The following DPYSL3 variants were observed in gnomAD, a reference collection of about 807,000 sequenced individuals.
DPYSL3 encodes dihydropyrimidinase-related protein 3.
A neutral mutation model predicts 66.1 loss-of-function variants in DPYSL3; 16 were observed. That is an observed-to-expected ratio of 0.24 (90% CI 0.16 to 0.37). DPYSL3 has a LOEUF of 0.37. Ranked by LOEUF, DPYSL3 falls within the 10% of genes least tolerant of loss-of-function variation. The pLI is 1.00. For missense variants in DPYSL3, 738 were observed against 916.2 expected, an observed-to-expected ratio of 0.81 and a Z score of 2.51; for synonymous variants, 338 against 345.1, an observed-to-expected ratio of 0.98 and a Z score of 0.23.
chr5:147,464,460 C>T (rs998848492), intron 1 of DPYSL3, among the ~76,000 whole-genome samples: 10 of 152,146 alleles, frequency 6.6e-5, no homozygotes, highest in South Asian at 2.1e-4. Flanking sequence ...CTGTGTACTT[C>T]GGGCTCATGG....
intron 6 of DPYSL3, among the ~76,000 whole-genome samples, chr5:147,410,127 T>C (rs1479246252): frequency 6.6e-6 from 1 of 152,172 alleles, no homozygotes; most frequent in Non-Finnish European, 1.5e-5. Flanking sequence ...GAGTTTCTAC[T>C]CTAAATTGCC....
intron 2 of DPYSL3, among the ~76,000 whole-genome samples, chr5:147,419,740 C>G (rs1434482250): frequency 1.3e-5 from 2 of 152,168 alleles, no homozygotes; most frequent in East Asian, 3.9e-4. Context: ...AGTTCTGCGA[C>G]TAAAATAAAG....
chr5:147,442,085 G>A (rs888599590), intron 1 of DPYSL3, among the ~76,000 whole-genome samples: 1 of 152,178 alleles, frequency 6.6e-6, no homozygotes, highest in African/African-American at 2.4e-5. Context: ...AAGATTTGAG[G>A]CACAGATTCG....
At chr5:147,468,317 T>C (rs1317624160) in intron 1 of DPYSL3, among the ~76,000 whole-genome samples, 1 of 152,246 alleles carries the variant, frequency 6.6e-6, no homozygotes. Context: ...CTTGTAGAGC[T>C]AGCTTTAAGA....
intron 1 of DPYSL3, among the ~76,000 whole-genome samples, chr5:147,501,478 ATTTTTTTTTTT>A (rs749216433): frequency 2.2e-5 from 2 of 91,072 alleles, no homozygotes; most frequent in East Asian, 6.4e-4. Context: ...GGTGATAATG[ATTTTTTTTTTT>A]TTTTTTTTTT....
At chr5:147,464,601 G>A (rs1418731105) in intron 1 of DPYSL3, among the ~76,000 whole-genome samples, 1 of 152,142 alleles carries the variant, frequency 6.6e-6, no homozygotes, top group Non-Finnish European at 1.5e-5. Context: ...AACTACATGG[G>A]TTCTTATATG....
At chr5:147,447,864 C>CAA (rs1320023524) in intron 1 of DPYSL3, among the ~76,000 whole-genome samples, 1 of 152,084 alleles carries the variant, frequency 6.6e-6, no homozygotes, top group Non-Finnish European at 1.5e-5. Context: ...AACAAACAAA[C>CAA]ACATATATCC....
chr5:147,450,799 A>G (rs1198772576), intron 1 of DPYSL3, among the ~76,000 whole-genome samples: 3 of 152,226 alleles, frequency 2.0e-5, no homozygotes, highest in Non-Finnish European at 2.9e-5. Context: ...CAGGCCAAGA[A>G]AGACTGCCCC....
intron 1 of DPYSL3, among the ~76,000 whole-genome samples, chr5:147,458,343 A>T (rs2126406669): frequency 6.6e-6 from 1 of 152,330 alleles, no homozygotes; most frequent in East Asian, 1.9e-4. Flanking sequence ...CAGCGCCATG[A>T]CAGTTTACAA....
At chr5:147,434,991 C>T (rs1322142327) in intron 1 of DPYSL3, among the ~76,000 whole-genome samples, 3 of 152,094 alleles carry the variant, frequency 2.0e-5, no homozygotes, top group Admixed American at 1.3e-4. Flanking sequence ...AGAGAGGAAA[C>T]TTGGGGGTGA....
At chr5:147,469,652 G>T (rs796321543) in intron 1 of DPYSL3, among the ~76,000 whole-genome samples, 1 of 152,108 alleles carries the variant, frequency 6.6e-6, no homozygotes, top group East Asian at 1.9e-4. Context: ...AAATTCCATG[G>T]ATATATATAT....
intron 12 of DPYSL3, among the ~76,000 whole-genome samples, chr5:147,396,542 A>G (rs916745168): frequency 3.9e-5 from 6 of 152,174 alleles, no homozygotes; most frequent in African/African-American, 7.2e-5. Context: ...GATCATCACA[A>G]GAAGTCCTGT....
At chr5:147,498,691 G>C (rs564853285) in intron 1 of DPYSL3, among the ~76,000 whole-genome samples, 108 of 152,196 alleles carry the variant, frequency 7.1e-4, no homozygotes, top group Non-Finnish European at 1.3e-3. Context: ...AATGACCAGT[G>C]ATGTTGAGCT....
At chr5:147,486,954 T>C (rs991959389) in intron 1 of DPYSL3, among the ~76,000 whole-genome samples, 1 of 152,318 alleles carries the variant, frequency 6.6e-6, no homozygotes, top group South Asian at 2.1e-4. Context: ...CAAACTCTAC[T>C]GAATTTGTTG....
intron 2 of DPYSL3, among the ~76,000 whole-genome samples, chr5:147,420,510 T>C (rs908612588): frequency 1.3e-5 from 2 of 152,188 alleles, no homozygotes; most frequent in African/African-American, 4.8e-5. Context: ...GACAGCATGA[T>C]GATTTGGGCC....
In DPYSL3 at chr5:147,401,542, G is replaced by C; in HGVS notation, c.1308C>G (p.Ala436=). Residue 436 remains alanine, a splice_region_variant and synonymous_variant, in exon 9 of 14, where the codon GCC becomes GCG. Coordinates refer to ENST00000343218, the MANE Select transcript of DPYSL3 (RefSeq NM_001197294.2). ...TTPDYINSLL[A]SGDLQLSGSA... is the part of the protein sequence containing the mutation. ...CTGCTGGGCATTCCTGCACCAACCT[G>C]GCCAGCAAGGAGTTGATGTAGTCCG... 6.2e-7 allele frequency: 1 copy of C among 1,611,542 alleles called. No homozygotes were observed. The highest frequency in any genetic ancestry group is 8.5e-7 in the Non-Finnish European group (1 of 1,178,856).
At chr5:147,421,206 C>T (rs1422037134) in intron 2 of DPYSL3, among the ~76,000 whole-genome samples, 1 of 152,172 alleles carries the variant, frequency 6.6e-6, no homozygotes, top group Non-Finnish European at 1.5e-5. Flanking sequence ...CACAAGCATT[C>T]CTATACACCA....
chr5:147,399,334 C>T, intron 10 of DPYSL3, 82 bp from the exon 11 acceptor site: 2 of 1,447,466 alleles, frequency 1.4e-6, no homozygotes, highest in South Asian at 1.4e-5. Flanking sequence ...AGAAAGACAA[C>T]CCACAAAGGC....
chr5:147,398,977 G>A (rs1375256526), intron 11 of DPYSL3, 105 bp downstream of exon 11: 11 of 1,437,098 alleles, frequency 7.7e-6, no homozygotes, highest in East Asian at 6.9e-5. Context: ...ATTGCAACCC[G>A]TCCTAGTCTA....
Sources: allele counts gnomAD v4.1 joint callset (sites outside exome capture counted in the v4.1 genomes callset), GRCh38; gene constraint gnomAD v4.1.1; transcripts MANE v1.5; gene names NCBI Gene and HGNC (gene_info 2026-07-23, HGNC 2026-07-21).